The following PTPRD variants were observed in gnomAD, a reference collection of about 807,000 sequenced individuals.
PTPRD encodes the protein protein tyrosine phosphatase receptor type D.
A neutral mutation model predicts 214.5 loss-of-function variants in PTPRD; 34 were observed. The ratio of observed to expected loss-of-function variants is 0.16; its 90% CI spans 0.12 to 0.21. PTPRD has a LOEUF of 0.21. PTPRD is among the 10% of genes least tolerant of loss of function. The pLI is 1.00. For synonymous variants in PTPRD, 1,128 were observed against 845.7 expected (o/e 1.33, Z -5.79); for missense variants, 2,545 against 2,398.7 (o/e 1.06, Z -1.27).
chr9:9,570,847 C>A (rs1240438805), intron 8 of PTPRD, among the ~76,000 whole-genome samples: 11 of 151,600 alleles, frequency 7.3e-5, no homozygotes, highest in Non-Finnish European at 3.0e-5. Flanking sequence ...CTTCAAATAT[C>A]CAAGTATATG....
intron 9 of PTPRD, among the ~76,000 whole-genome samples, chr9:9,375,796 G>A (rs1013229998): frequency 1.3e-5 from 2 of 152,102 alleles, no homozygotes; most frequent in African/African-American, 4.8e-5. Flanking sequence ...ATGGCAGGGA[G>A]GAGGAGTTAT....
At chr9:10,562,370 T>A (rs2064235507) in intron 2 of PTPRD, among the ~76,000 whole-genome samples, 2 of 151,592 alleles carry the variant, frequency 1.3e-5, no homozygotes, top group Non-Finnish European at 2.9e-5. Context: ...GTGTCTATAA[T>A]CAGCACAATT....
intron 3 of PTPRD, among the ~76,000 whole-genome samples, chr9:10,155,918 T>G (rs1177768502): frequency 2.0e-5 from 3 of 152,114 alleles, no homozygotes; most frequent in East Asian, 3.9e-4. Context: ...TTTTGTGTTG[T>G]GTCTCTGGCA....
intron 9 of PTPRD, among the ~76,000 whole-genome samples, chr9:9,267,956 A>G (rs975591182): frequency 1.3e-5 from 2 of 151,202 alleles, no homozygotes; most frequent in African/African-American, 2.4e-5. Context: ...CTTTTCCTCT[A>G]AAATCAGGAA....
chr9:9,378,557 G>A (rs1397223578), intron 9 of PTPRD, among the ~76,000 whole-genome samples: 2 of 152,054 alleles, frequency 1.3e-5, no homozygotes, highest in Admixed American at 1.3e-4. Context: ...GCATCATATG[G>A]TAAGAGTATG....
At chr9:9,999,630 A>G (rs1233375847) in intron 4 of PTPRD, among the ~76,000 whole-genome samples, 2 of 152,226 alleles carry the variant, frequency 1.3e-5, no homozygotes, top group East Asian at 3.8e-4. Flanking sequence ...ACTATTTGCA[A>G]TAGAACTATA....
chr9:9,374,127 A>C (rs2060201282), intron 9 of PTPRD, among the ~76,000 whole-genome samples: 1 of 152,046 alleles, frequency 6.6e-6, no homozygotes, highest in Admixed American at 6.6e-5. Flanking sequence ...TATTAACCTA[A>C]AAATATTCCA....
chr9:8,345,508 A>G (rs1856724292), intron 39 of PTPRD, among the ~76,000 whole-genome samples: 1 of 152,034 alleles, frequency 6.6e-6, no homozygotes, highest in African/African-American at 2.4e-5. Context: ...TTCCTAGAAA[A>G]GCTTTCTATC....
intron 10 of PTPRD, among the ~76,000 whole-genome samples, chr9:9,043,046 G>T (rs1009839712): frequency 6.6e-6 from 1 of 152,082 alleles, no homozygotes; most frequent in Non-Finnish European, 1.5e-5. Flanking sequence ...TTAAAACTTG[G>T]TTCTTTATAG....
At chr9:9,245,810 C>T (rs966811836) in intron 9 of PTPRD, among the ~76,000 whole-genome samples, 2 of 151,864 alleles carry the variant, frequency 1.3e-5, no homozygotes, top group African/African-American at 4.8e-5. Flanking sequence ...TGTCACATGC[C>T]CAGGAACGTT....
At chr9:9,934,036 C>G (rs1366395762) in intron 5 of PTPRD, among the ~76,000 whole-genome samples, 2 of 148,938 alleles carry the variant, frequency 1.3e-5, no homozygotes, top group Non-Finnish European at 2.9e-5. Context: ...CCAACGAGAA[C>G]AAAGACACAA....
At chr9:9,863,045 A>AT (rs1313499203) in intron 5 of PTPRD, among the ~76,000 whole-genome samples, 2 of 152,140 alleles carry the variant, frequency 1.3e-5, no homozygotes, top group Non-Finnish European at 2.9e-5. Flanking sequence ...CTTTTTTGAG[A>AT]TTTTTTAAAT....
intron 10 of PTPRD, among the ~76,000 whole-genome samples, chr9:9,182,211 C>T (rs2099928602): frequency 6.6e-6 from 1 of 152,014 alleles, no homozygotes; most frequent in Admixed American, 6.6e-5. Flanking sequence ...TCTTATTTGA[C>T]TTCAGTGGTA....
At chr9:8,919,680 T>C (rs896290829) in intron 11 of PTPRD, among the ~76,000 whole-genome samples, 2 of 152,132 alleles carry the variant, frequency 1.3e-5, no homozygotes, top group Non-Finnish European at 2.9e-5. Flanking sequence ...CTAATGTGTA[T>C]ATATTTATAC....
At chr9:9,429,331 C>T (rs10448245) in intron 8 of PTPRD, among the ~76,000 whole-genome samples, 2,118 of 152,234 alleles carry the variant, frequency 0.014, 29 homozygotes, top group Middle Eastern at 0.02. Context: ...GACACATACA[C>T]CCTCCCAAGA....
intron 3 of PTPRD, among the ~76,000 whole-genome samples, chr9:10,231,956 T>G (rs867877237): frequency 1.6e-4 from 17 of 109,078 alleles, no homozygotes; most frequent in African/African-American, 6.2e-4. Flanking sequence ...GGGAATGAAT[T>G]AGAGAGAGAG....
chr9:9,267,148 G>T (rs974618643), intron 9 of PTPRD, among the ~76,000 whole-genome samples: 8 of 151,226 alleles, frequency 5.3e-5, no homozygotes, highest in African/African-American at 1.7e-4. Context: ...ACTATGTACT[G>T]AAGAATATGT....
chr9:10,457,745 A>T (rs566365790), intron 2 of PTPRD, among the ~76,000 whole-genome samples: 2 of 152,188 alleles, frequency 1.3e-5, no homozygotes, highest in South Asian at 2.1e-4. Context: ...CTACCAAAAC[A>T]CACTGTCAGT....
chr9:9,912,265 GA>G (rs1386479504), intron 5 of PTPRD, among the ~76,000 whole-genome samples: 1 of 151,948 alleles, frequency 6.6e-6, no homozygotes, highest in Non-Finnish European at 1.5e-5. Flanking sequence ...CACTTCAGTT[GA>G]AAAAACAAAG....
Sources: allele counts gnomAD v4.1 joint callset (sites outside exome capture counted in the v4.1 genomes callset), GRCh38; gene constraint gnomAD v4.1.1; transcripts MANE v1.5; gene names NCBI Gene and HGNC (gene_info 2026-07-23, HGNC 2026-07-21).